KCNQ5: variants seen among roughly 807,000 people sequenced by gnomAD.
KCNQ5 encodes potassium voltage-gated channel subfamily Q member 5, also known as potassium voltage-gated channel subfamily KQT member 5.
In KCNQ5, 30 loss-of-function variants were observed where a neutral mutation model predicts 98.2. The observed-to-expected ratio is 0.31, with a 90% CI of 0.23 to 0.41. KCNQ5 has a LOEUF of 0.41. Among genes scored for constraint, KCNQ5 ranks in the 10% least tolerant of loss-of-function variants. The pLI is 1.00. For missense variants in KCNQ5, 835 were observed against 1,182.5 expected (o/e 0.71, Z 4.31); for synonymous variants, 458 against 449.4 (o/e 1.02, Z -0.24).
chr6:72,762,325 C>T (rs1372523575), intron 1 of KCNQ5, among the ~76,000 whole-genome samples: 3 of 151,694 alleles, frequency 2.0e-5, no homozygotes, highest in Non-Finnish European at 2.9e-5. Flanking sequence ...GGAGGGAGGT[C>T]CCAGTGTAAA....
At chr6:72,826,220 A>T (rs897114977) in intron 1 of KCNQ5, among the ~76,000 whole-genome samples, 1 of 152,160 alleles carries the variant, frequency 6.6e-6, no homozygotes, top group Non-Finnish European at 1.5e-5. Flanking sequence ...TGACATGAGG[A>T]ATACTTTAGT....
intron 1 of KCNQ5, among the ~76,000 whole-genome samples, chr6:72,631,107 A>G (rs993603087): frequency 6.6e-6 from 1 of 152,228 alleles, no homozygotes; most frequent in Non-Finnish European, 1.5e-5. Flanking sequence ...TGTTATTTCC[A>G]GATTATTGGA....
chr6:72,727,499 T>A (rs552814857), intron 1 of KCNQ5, among the ~76,000 whole-genome samples: 1 of 152,332 alleles, frequency 6.6e-6, no homozygotes, highest in South Asian at 2.1e-4. Flanking sequence ...GAGGGGCAGC[T>A]ACTTTGATTT....
chr6:73,148,776 A>G (rs1777022103), intron 10 of KCNQ5, among the ~76,000 whole-genome samples: 1 of 152,200 alleles, frequency 6.6e-6, no homozygotes, highest in Non-Finnish European at 1.5e-5. Context: ...GTGAGAAAAC[A>G]ACAACAGTGC....
At chr6:72,836,436 G>C (rs62412471) in intron 1 of KCNQ5, among the ~76,000 whole-genome samples, 37,107 of 151,730 alleles carry the variant, frequency 0.24, 4,775 homozygotes, top group South Asian at 0.46. Flanking sequence ...CTCTCTCTCT[G>C]TGTGTGTATA....
intron 1 of KCNQ5, among the ~76,000 whole-genome samples, chr6:72,937,279 G>C (rs2150235233): frequency 6.6e-6 from 1 of 152,164 alleles, no homozygotes; most frequent in African/African-American, 2.4e-5. Context: ...TGTAAGTCCT[G>C]GACAAATTCA....
chr6:72,772,027 TTTTTTGCCTTAAGAAC>T, intron 1 of KCNQ5, among the ~76,000 whole-genome samples: 1 of 152,276 alleles, frequency 6.6e-6, no homozygotes, highest in Middle Eastern at 3.4e-3. Context: ...AAAAAGTTGA[TTTTTTGCCTTAAGAAC>T]TTACTTTATA....
intron 1 of KCNQ5, among the ~76,000 whole-genome samples, chr6:72,815,152 C>G (rs529910254): frequency 6.6e-6 from 1 of 152,236 alleles, no homozygotes; most frequent in African/African-American, 2.4e-5. Flanking sequence ...TCAGCTTTTA[C>G]TCTCAAGGAG....
intron 1 of KCNQ5, among the ~76,000 whole-genome samples, chr6:72,681,222 G>A (rs1002871827): frequency 6.6e-6 from 1 of 152,172 alleles, no homozygotes; most frequent in African/African-American, 2.4e-5. Flanking sequence ...GTGTATGTGA[G>A]AATAAAGCAA....
chr6:72,937,345 G>A (rs1199507023), intron 1 of KCNQ5, among the ~76,000 whole-genome samples: 1 of 152,078 alleles, frequency 6.6e-6, no homozygotes, highest in South Asian at 2.1e-4. Context: ...TCCTTTGCTT[G>A]AACCAGCAAG....
intron 1 of KCNQ5, among the ~76,000 whole-genome samples, chr6:72,918,026 AC>A (rs1252105719): frequency 1.3e-5 from 2 of 152,210 alleles, no homozygotes; most frequent in African/African-American, 2.4e-5. Context: ...AGTTGTAACA[AC>A]CAAAAATGTC....
At chr6:73,095,490 A>G (rs1048773369) in intron 5 of KCNQ5, among the ~76,000 whole-genome samples, 8 of 152,132 alleles carry the variant, frequency 5.3e-5, no homozygotes, top group African/African-American at 1.9e-4. Flanking sequence ...TGGGAGTTGT[A>G]AAGAACTTTG....
At chr6:73,148,502 C>T (rs985607619) in intron 10 of KCNQ5, among the ~76,000 whole-genome samples, 1 of 152,026 alleles carries the variant, frequency 6.6e-6, no homozygotes. Context: ...TACCAAATCA[C>T]AAAAAAAGTA....
At chr6:72,790,989 G>A (rs564738554) in intron 1 of KCNQ5, among the ~76,000 whole-genome samples, 15 of 152,204 alleles carry the variant, frequency 9.9e-5, no homozygotes, top group Non-Finnish European at 2.9e-5. Flanking sequence ...ACACATGGGG[G>A]GAAATCATCA....
chr6:72,683,437 G>T (rs11759937), intron 1 of KCNQ5, among the ~76,000 whole-genome samples: 19,004 of 146,672 alleles, frequency 0.13, 1,310 homozygotes, highest in South Asian at 0.19. Flanking sequence ...GCGCAATCTC[G>T]GCTCACTGTA....
intron 5 of KCNQ5, among the ~76,000 whole-genome samples, chr6:73,094,930 A>G (rs1774417276): frequency 1.3e-5 from 2 of 152,182 alleles, no homozygotes; most frequent in African/African-American, 4.8e-5. Context: ...TGAATTTCCC[A>G]GGTGTTCTTT....
intron 1 of KCNQ5, among the ~76,000 whole-genome samples, chr6:72,648,140 C>T (rs1188874745): frequency 6.6e-6 from 1 of 151,960 alleles, no homozygotes; most frequent in Non-Finnish European, 1.5e-5. Flanking sequence ...TGTACTAAAA[C>T]ATAAAGAACA....
intron 1 of KCNQ5, among the ~76,000 whole-genome samples, chr6:72,887,514 A>G (rs1209241896): frequency 6.6e-6 from 1 of 152,210 alleles, no homozygotes; most frequent in African/African-American, 2.4e-5. Flanking sequence ...ACAAGAAAGT[A>G]TGATGAATAG....
At chr6:72,815,796 A>G (rs183627882) in intron 1 of KCNQ5, among the ~76,000 whole-genome samples, 2 of 152,332 alleles carry the variant, frequency 1.3e-5, no homozygotes, top group East Asian at 3.9e-4. Flanking sequence ...TTGCACCTCT[A>G]AGTGACAGAC....
Sources: gnomAD v4.1 joint callset for allele counts (sites outside exome capture counted in the v4.1 genomes callset) on GRCh38, gnomAD v4.1.1 for gene constraint, MANE v1.5 for transcripts, NCBI Gene and HGNC (gene_info 2026-07-23, HGNC 2026-07-21) for gene names.